Variants in IMPA2 observed in about 807,000 individuals in gnomAD.
IMPA2 encodes IMP 2.
In IMPA2, 32 loss-of-function variants were observed where a neutral mutation model predicts 35.1. The ratio of observed to expected loss-of-function variants is 0.91; its 90% CI spans 0.69 to 1.23. The LOEUF (loss-of-function observed/expected upper bound fraction) is 1.23, where lower values mean the gene tolerates loss of function less well. Among genes scored for constraint, IMPA2 ranks in the 50% most tolerant of loss-of-function variants. IMPA2 has a pLI of 0.00. For synonymous variants in IMPA2, 135 were observed against 160.6 expected (o/e 0.84, Z 1.20); for missense variants, 334 against 387.6 (o/e 0.86, Z 1.16).
intron 1 of IMPA2, among the ~76,000 whole-genome samples, chr18:11,995,334 T>C (rs1375058917): frequency 6.6e-6 from 1 of 152,206 alleles, no homozygotes; most frequent in East Asian, 1.9e-4. Context: ...CTTTTGAGGA[T>C]GTGACTCGGA....
intron 1 of IMPA2, among the ~76,000 whole-genome samples, chr18:11,997,143 G>A (rs1011048860): frequency 2.0e-5 from 3 of 152,198 alleles, no homozygotes; most frequent in African/African-American, 7.2e-5. Flanking sequence ...GCTTTGTGCC[G>A]AAGGCCTGTC....
At chr18:12,007,251 C>T (rs1907275539) in intron 2 of IMPA2, among the ~76,000 whole-genome samples, 1 of 152,184 alleles carries the variant, frequency 6.6e-6, no homozygotes, top group Non-Finnish European at 1.5e-5. Flanking sequence ...TCTGCTGTGT[C>T]CACAGTGGTA....
chr18:12,006,417 C>T (rs1907249184), intron 2 of IMPA2, among the ~76,000 whole-genome samples: 1 of 152,208 alleles, frequency 6.6e-6, no homozygotes, highest in Non-Finnish European at 1.5e-5. Context: ...GCAAGGCGTG[C>T]AGTGTAGATG....
chr18:12,012,000 T>G (rs1377842535), intron 3 of IMPA2, among the ~76,000 whole-genome samples, 170 bp from the exon 4 acceptor site: 1 of 152,292 alleles, frequency 6.6e-6, no homozygotes, highest in African/African-American at 2.4e-5. Flanking sequence ...CAGTTTATTC[T>G]GTTTGTCTTG....
intron 4 of IMPA2, among the ~76,000 whole-genome samples, chr18:12,012,902 G>C (rs1433741547): frequency 6.6e-6 from 1 of 152,226 alleles, no homozygotes; most frequent in Non-Finnish European, 1.5e-5. Flanking sequence ...TGGCAGGGGA[G>C]CTGAGAGAAG....
intron 5 of IMPA2, among the ~76,000 whole-genome samples, chr18:12,026,848 C>G (rs1907893589): frequency 1.3e-5 from 2 of 152,254 alleles, no homozygotes; most frequent in Admixed American, 1.3e-4. Context: ...GCCCTCATAG[C>G]TCAGCTTCAG....
At chr18:12,005,810 C>T (rs529616299) in intron 2 of IMPA2, among the ~76,000 whole-genome samples, 12 of 152,336 alleles carry the variant, frequency 7.9e-5, no homozygotes, top group African/African-American at 2.9e-4. Flanking sequence ...CTGCCTCCTC[C>T]TTCAGGGCTC....
Position 11,998,011 on chromosome 18 carries a change from T to TA in IMPA2, c.97-1037dup, listed in dbSNP as rs1220351505. ...AGCAAGACCCTGTCTCTTCAAAAAA[T>TA]AAAAAATGAGCTGGGTGCAGTACCA... On this transcript the variant is annotated intron_variant, in intron 1 of 7. Coordinates refer to ENST00000269159, the MANE Select transcript of IMPA2 (RefSeq NM_014214.3). 3.9e-5 allele frequency among the ~76,000 whole-genome samples: 6 copies of TA among 151,914 alleles called. 1 individual carries two copies. The South Asian group carries it at 1.2e-3, about 32-fold the overall frequency.
chr18:12,023,483 G>A (rs1907792809), intron 5 of IMPA2, among the ~76,000 whole-genome samples: 3 of 152,190 alleles, frequency 2.0e-5, no homozygotes, highest in African/African-American at 7.2e-5. Context: ...ATACCCCAGG[G>A]CACTTGGTTG....
chr18:11,983,928 C>T (rs1053307311), intron 1 of IMPA2, among the ~76,000 whole-genome samples: 2 of 152,110 alleles, frequency 1.3e-5, no homozygotes, highest in African/African-American at 4.8e-5. Context: ...AGTGGTGATC[C>T]TTTTGGAGTT....
chr18:12,008,470 A>T, intron 2 of IMPA2: 1 of 481,236 alleles, frequency 2.1e-6, no homozygotes, highest in Non-Finnish European at 4.2e-6. Context: ...TGAACTTGGG[A>T]CAGTCCAAGA....
chr18:12,028,325 C>T lies in IMPA2; in HGVS notation c.599+174C>T. 5.1e-6 allele frequency: 3 copies of T among 592,394 alleles called. No individual in the cohort carries two copies. In the South Asian group the frequency reaches 6.3e-5, roughly 12 times the overall value. 36.7% of individuals were successfully genotyped at this position (592,394 alleles called of 1,614,324 possible). ...GAGGGGCCCGCCTGCAGTAGATACT[C>T]CTATAGCCAGGCCTCTGGAGATGCG... On this transcript the variant is annotated intron_variant, in intron 6 of 7. Transcript: ENST00000269159.
chr18:12,012,216 G>T lies in IMPA2; in HGVS notation c.381+1G>T. On this transcript the variant is annotated splice_donor_variant, in intron 4 of 7. Transcript: ENST00000269159. LOFTEE classifies it high-confidence loss of function. ...CATTGGATTTGCTGTTCGACAAGAG[G>T]TGCGGGTGTGGCCCAGGTCCCCAGG... 1 of 1,614,020 alleles carries T rather than the reference G, an allele frequency of 6.2e-7. No individual in the cohort carries two copies.
intron 1 of IMPA2, among the ~76,000 whole-genome samples, chr18:11,982,366 T>C (rs987517798): frequency 1.3e-5 from 2 of 152,328 alleles, no homozygotes. Flanking sequence ...CTCTTCTCTT[T>C]TTCATTTTTG....
At chr18:11,989,919 C>T (rs1906766634) in intron 1 of IMPA2, among the ~76,000 whole-genome samples, 1 of 152,192 alleles carries the variant, frequency 6.6e-6, no homozygotes, top group South Asian at 2.1e-4. Context: ...ATACAGGCCC[C>T]CTCCTCGAGC....
intron 4 of IMPA2, 77 bp from the exon 5 acceptor site, chr18:12,014,188 C>T (rs1179138006): frequency 2.9e-6 from 3 of 1,025,984 alleles, no homozygotes; most frequent in Non-Finnish European, 4.6e-6. Context: ...CAGCCTTCAT[C>T]TTTGAATAAC....
At chr18:11,990,899 G>A (rs668223) in intron 1 of IMPA2, among the ~76,000 whole-genome samples, 57,622 of 152,032 alleles carry the variant, frequency 0.38, 12,290 homozygotes, top group East Asian at 0.61. Flanking sequence ...CATCTTTAAC[G>A]TGGAGAATAA....
At chr18:12,003,235 T>G (rs903214849) in intron 2 of IMPA2, among the ~76,000 whole-genome samples, 16 of 152,196 alleles carry the variant, frequency 1.1e-4, no homozygotes, top group Non-Finnish European at 2.1e-4. Context: ...CTTCTGTCAC[T>G]GGCCCTAGCA....
intron 5 of IMPA2, among the ~76,000 whole-genome samples, chr18:12,026,345 C>G (rs1907882557): frequency 6.6e-6 from 1 of 152,172 alleles, no homozygotes; most frequent in Non-Finnish European, 1.5e-5. Flanking sequence ...AAGAGCATTT[C>G]TAACTAAAAT....
Sources: allele counts gnomAD v4.1 joint callset (sites outside exome capture counted in the v4.1 genomes callset), GRCh38; gene constraint gnomAD v4.1.1; transcripts MANE v1.5; gene names NCBI Gene and HGNC (gene_info 2026-07-23, HGNC 2026-07-21).